BRD8: variants seen among roughly 807,000 people sequenced by gnomAD.
BRD8 encodes the protein bromodomain-containing protein 8.
In BRD8, 67 loss-of-function variants were observed where a neutral mutation model predicts 143.1. That is an observed-to-expected ratio of 0.47 (90% CI 0.38 to 0.57). The LOEUF (loss-of-function observed/expected upper bound fraction) is 0.57, where lower values mean the gene tolerates loss of function less well. BRD8 is among the 20% of genes least tolerant of loss of function. BRD8 has a pLI of 0.00. For missense variants in BRD8, 1,103 were observed against 1,503.0 expected (o/e 0.73, Z 4.40); for synonymous variants, 505 against 517.1 (o/e 0.98, Z 0.32).
chr5:138,147,612 A>T (rs1011559232), intron 23 of BRD8, among the ~76,000 whole-genome samples: 27 of 152,296 alleles, frequency 1.8e-4, no homozygotes, highest in African/African-American at 5.8e-4. Context: ...AGTCACAGAT[A>T]AAAACAACTT....
At chr5:138,149,274 G>A (rs536945477) in intron 23 of BRD8, among the ~76,000 whole-genome samples, 4 of 151,710 alleles carry the variant, frequency 2.6e-5, no homozygotes, top group African/African-American at 9.7e-5. Flanking sequence ...ACCATACCTG[G>A]CTAATTTTTT....
chr5:138,154,870 G>GC (rs1456179010), intron 20 of BRD8, among the ~76,000 whole-genome samples: 3 of 140,028 alleles, frequency 2.1e-5, no homozygotes, highest in Non-Finnish European at 4.5e-5. Flanking sequence ...TTGCTCTGTC[G>GC]CCAGGTTGGA....
intron 14 of BRD8, 135 bp from the exon 15 acceptor site, chr5:138,163,479 C>T: frequency 7.4e-7 from 1 of 1,345,924 alleles, no homozygotes; most frequent in South Asian, 1.3e-5. Flanking sequence ...AGCTGTCTAT[C>T]ACTTATACTA....
chr5:138,142,416 T>C (rs1581396334), intron 25 of BRD8, among the ~76,000 whole-genome samples: 1 of 152,328 alleles, frequency 6.6e-6, no homozygotes, highest in South Asian at 2.1e-4. Context: ...CATGATCTTT[T>C]ACATTCTATT....
intron 23 of BRD8, among the ~76,000 whole-genome samples, chr5:138,146,969 C>CAAAAAA (rs60597015): frequency 2.0e-5 from 1 of 49,042 alleles, no homozygotes; most frequent in Non-Finnish European, 4.4e-5. Flanking sequence ...AACTCCGTCT[C>CAAAAAA]AAAAAAAAAA....
At chr5:138,177,531 T>C in intron 2 of BRD8, 40 bp downstream of exon 2, 1 of 1,253,286 alleles carries the variant, frequency 8.0e-7, no homozygotes, top group Non-Finnish European at 1.2e-6. Flanking sequence ...TATCTAACAA[T>C]TTCTAAGACC....
chr5:138,148,041 G>A (rs1752224356), intron 23 of BRD8, among the ~76,000 whole-genome samples: 1 of 151,610 alleles, frequency 6.6e-6, no homozygotes, highest in African/African-American at 2.4e-5. Context: ...ATACAAAGAT[G>A]AGACAATTGC....
chr5:138,178,451 T>C, intron 1 of BRD8, 145 bp downstream of exon 1: 1 of 800,658 alleles, frequency 1.2e-6, no homozygotes, highest in Non-Finnish European at 2.2e-6. Context: ...ACGTTGGTCT[T>C]CACGATGCTG....
chr5:138,142,554 A>G (rs1466918162), intron 25 of BRD8, among the ~76,000 whole-genome samples: 1 of 150,932 alleles, frequency 6.6e-6, no homozygotes, highest in African/African-American at 2.4e-5. Context: ...CACGAGGTCA[A>G]GAGATTGAGA....
rs745808234 is a variant in BRD8, at chr5:138,162,026, A to T, written c.2180+28T>A. ...CAACAATGAAGAGTAGGAGAAAATG[A>T]ACCTACTGACTGGTAAAGCCCACTC... On this transcript the variant is annotated intron_variant, in intron 16 of 26. Transcript: ENST00000254900. The T allele has an allele frequency of 6.3e-6, 10 of 1,594,458 alleles. No homozygotes were observed. The African/African-American group carries it at 1.2e-4, about 19-fold the overall frequency.
intron 1 of BRD8, among the ~76,000 whole-genome samples, chr5:138,177,939 A>G (rs920734126): frequency 6.6e-6 from 1 of 152,210 alleles, no homozygotes; most frequent in African/African-American, 2.4e-5. Context: ...AGAAACAGGG[A>G]ATGTCAGATT....
intron 10 of BRD8, 173 bp downstream of exon 10, chr5:138,166,345 C>A (rs1753420476): frequency 3.2e-6 from 2 of 619,602 alleles, no homozygotes; most frequent in African/African-American, 1.8e-5. Flanking sequence ...TAAATGCCCA[C>A]CCACCTCTTC....
chr5:138,140,208 A>G, intron 26 of BRD8, 42 bp from the exon 27 acceptor site: 1 of 1,421,718 alleles, frequency 7.0e-7, no homozygotes, highest in Non-Finnish European at 9.9e-7. Context: ...TATGAACCTT[A>G]AACACTAAAG....
chr5:138,168,280 A>C (rs1472596981), intron 8 of BRD8, among the ~76,000 whole-genome samples: 2 of 152,236 alleles, frequency 1.3e-5, no homozygotes, highest in African/African-American at 4.8e-5. Context: ...GAACCAAAAT[A>C]ATTGTGATTC....
intron 17 of BRD8, among the ~76,000 whole-genome samples, chr5:138,161,595 C>T (rs934040018): frequency 3.9e-5 from 6 of 152,216 alleles, no homozygotes; most frequent in Non-Finnish European, 7.3e-5. Context: ...CAGGCGTGAG[C>T]CACCGCTCCT....
At chr5:138,171,210 AT>A in intron 4 of BRD8, 50 bp from the exon 5 acceptor site, 1 of 1,555,226 alleles carries the variant, frequency 6.4e-7, no homozygotes, top group Non-Finnish European at 8.8e-7. Context: ...CATAACATTT[AT>A]CCCCTCTCCT....
intron 15 of BRD8, 109 bp from the exon 16 acceptor site, chr5:138,162,255 A>G: frequency 1.2e-6 from 1 of 815,832 alleles, no homozygotes. Context: ...GCTGGAGTGC[A>G]GTGGCATGAT....
chr5:138,175,038 C>G (rs1307609170), intron 2 of BRD8, among the ~76,000 whole-genome samples: 1 of 152,078 alleles, frequency 6.6e-6, no homozygotes, highest in Non-Finnish European at 1.5e-5. Flanking sequence ...TACAGGCGCA[C>G]GCCGCCACAC....
chr5:138,140,073 G>C lies in BRD8; in HGVS notation c.*1C>G, dbSNP rs1287606583. ...GAAAAAGTCAGGATAGCAGCTCCAG[G>C]TTAGAAAACAGGTTTTCCATCATCC... On this transcript the variant is annotated 3_prime_UTR_variant, in exon 27 of 27. Coordinates refer to ENST00000254900, the MANE Select transcript of BRD8 (RefSeq NM_139199.2). The C allele has an allele frequency of 6.2e-7, 1 of 1,611,028 alleles. No individual in the cohort carries two copies. Among genetic ancestry groups the C allele is most frequent in the South Asian group, 1.1e-5 (1 of 90,992 alleles).
Sources: allele counts gnomAD v4.1 joint callset (sites outside exome capture counted in the v4.1 genomes callset), GRCh38; gene constraint gnomAD v4.1.1; transcripts MANE v1.5; gene names NCBI Gene and HGNC (gene_info 2026-07-23, HGNC 2026-07-21).